DSCAM: variants seen among roughly 807,000 people sequenced by gnomAD.
DSCAM encodes the protein cell adhesion molecule DSCAM.
DSCAM carries 47 observed loss-of-function variants against 217.7 expected under a neutral mutation model. The observed-to-expected ratio is 0.22, with a 90% confidence interval of 0.17 to 0.28. The LOEUF (loss-of-function observed/expected upper bound fraction) is 0.28. DSCAM is among the 10% of genes least tolerant of loss of function. DSCAM has a pLI of 1.00. For missense variants in DSCAM, 2,080 were observed against 2,618.3 expected (o/e 0.79, Z 4.49); for synonymous variants, 1,056 against 1,015.3 (o/e 1.04, Z -0.76).
chr21:40,383,320 G>C (rs1017090171), intron 3 of DSCAM: 1 of 152,140 alleles, frequency 6.6e-6, no homozygotes, highest in Non-Finnish European at 1.5e-5. Context: ...GACACAGCAA[G>C]ACTCCCTCTA....
At chr21:40,680,689 C>T (rs2146421887) in intron 3 of DSCAM, among the ~76,000 whole-genome samples, 1 of 152,310 alleles carries the variant, frequency 6.6e-6, no homozygotes, top group African/African-American at 2.4e-5. Flanking sequence ...ATATTTTCAG[C>T]AGCATCATTG....
intron 21 of DSCAM, among the ~76,000 whole-genome samples, chr21:40,092,929 A>AT (rs1042089036): frequency 6.6e-6 from 1 of 151,894 alleles, no homozygotes; most frequent in African/African-American, 2.4e-5. Flanking sequence ...TAAAAAGCAC[A>AT]TTTTTCAGAG....
At chr21:40,029,773 G>A (rs1342971071) in intron 32 of DSCAM, among the ~76,000 whole-genome samples, 2 of 152,160 alleles carry the variant, frequency 1.3e-5, no homozygotes, top group Non-Finnish European at 2.9e-5. Context: ...GACACCAGCA[G>A]TCCAATCTTC....
chr21:40,250,996 T>C (rs2073296317), intron 11 of DSCAM, among the ~76,000 whole-genome samples: 1 of 152,234 alleles, frequency 6.6e-6, no homozygotes, highest in South Asian at 2.1e-4. Context: ...CCTGATATCC[T>C]GAAAAGGGAG....
chr21:40,370,678 T>C (rs2074887622), intron 3 of DSCAM, among the ~76,000 whole-genome samples: 3 of 152,044 alleles, frequency 2.0e-5, no homozygotes, highest in Non-Finnish European at 4.4e-5. Context: ...TGTGGTGCAG[T>C]GGTATCATCT....
chr21:40,432,955 G>C (rs2075548862), intron 3 of DSCAM, among the ~76,000 whole-genome samples: 1 of 152,044 alleles, frequency 6.6e-6, no homozygotes, highest in African/African-American at 2.4e-5. Flanking sequence ...TTCTTTCCCA[G>C]CTGTGAAAGC....
rs542067617 is a variant in DSCAM at position 40,215,957 on chromosome 21, A to T, written c.2357-26719T>A. Among the ~76,000 whole-genome samples the T allele has an allele frequency of 2.1e-4, 31 of 149,250 alleles. No homozygotes were observed. The South Asian group carries it at 6.4e-3, about 31-fold the overall frequency. On this transcript the variant is annotated intron_variant, in intron 11 of 32. Transcript: ENST00000400454. ...TTCTCCTTTAAAAAAAAAAAAAAAC[A>T]ACTTTGGTATTTGTGCTCAAGACTA...
chr21:40,559,962 T>G (rs918259892), intron 3 of DSCAM, among the ~76,000 whole-genome samples: 2 of 151,752 alleles, frequency 1.3e-5, no homozygotes, highest in Non-Finnish European at 2.9e-5. Context: ...CCCGGCTAAT[T>G]TTTTGTATTT....
At chr21:40,051,160 T>C (rs75833656) in intron 30 of DSCAM, among the ~76,000 whole-genome samples, 1 of 152,172 alleles carries the variant, frequency 6.6e-6, no homozygotes, top group Admixed American at 6.5e-5. Flanking sequence ...GCAAAGAAAT[T>C]GATTAGAGAT....
intron 32 of DSCAM, among the ~76,000 whole-genome samples, chr21:40,017,884 T>G (rs888334788): frequency 6.6e-6 from 1 of 152,210 alleles, no homozygotes; most frequent in Admixed American, 6.5e-5. Flanking sequence ...ATTACATAAT[T>G]TGGCATTCTT....
In DSCAM at chr21:40,347,679, C is replaced by T. The variant is rs962155128; in HGVS notation, c.1201G>A (p.Val401Ile). ...AACGAGGCCCACTGACCTTCAAGGA[C>T]CACCTGCACATAGTCTTGAGCGGAC... ...KLSAQDYVQVVLEDGTPKIIS... is the reference protein window; with the variant it reads ...KLSAQDYVQVILEDGTPKIIS... The change falls in exon 6 of 33, where the codon GTC becomes ATC. Residue 401 changes from valine (V) to isoleucine (I), a missense_variant. Transcript: ENST00000400454. The T allele has an allele frequency of 9.3e-6, 15 of 1,613,704 alleles. No homozygotes were observed. The highest frequency in any genetic ancestry group is 1.3e-5 in the African/African-American group (1 of 74,918).
intron 18 of DSCAM, among the ~76,000 whole-genome samples, chr21:40,136,912 TGCCTGTAATCCCA>T (rs1568959908): frequency 6.6e-6 from 1 of 152,148 alleles, no homozygotes; most frequent in African/African-American, 2.4e-5. Flanking sequence ...CAGTGGCTCA[TGCCTGTAATCCCA>T]GCACTTCGGG....
intron 19 of DSCAM, among the ~76,000 whole-genome samples, chr21:40,126,868 T>C (rs1236837792): frequency 1.3e-5 from 2 of 152,200 alleles, no homozygotes. Flanking sequence ...ACAACATAGA[T>C]AAGTTGAAGA....
intron 4 of DSCAM, among the ~76,000 whole-genome samples, chr21:40,360,336 G>A (rs550655174): frequency 3.3e-4 from 50 of 151,556 alleles, no homozygotes; most frequent in African/African-American, 1.2e-3. Flanking sequence ...GGGTTTCACC[G>A]TGTTAGCCAG....
chr21:40,376,791 A>G (rs1947835464), intron 3 of DSCAM, among the ~76,000 whole-genome samples: 1 of 151,220 alleles, frequency 6.6e-6, no homozygotes, highest in Admixed American at 6.6e-5. Context: ...TGAGCAATTG[A>G]GTTGCCAGAT....
intron 32 of DSCAM, among the ~76,000 whole-genome samples, chr21:40,028,774 A>C (rs2088453447): frequency 6.6e-6 from 1 of 152,118 alleles, no homozygotes. Flanking sequence ...CCTCAGATGG[A>C]AATGCCGAGA....
intron 4 of DSCAM, among the ~76,000 whole-genome samples, chr21:40,367,608 A>C (rs1422642887): frequency 3.9e-5 from 6 of 152,186 alleles, no homozygotes; most frequent in Non-Finnish European, 5.9e-5. Flanking sequence ...GCTTTATTAA[A>C]ATTTCAATGA....
Position 40,016,180 on chromosome 21 carries a change from C to T in DSCAM, c.5687-2794G>A, listed in dbSNP as rs1388718198. Among the ~76,000 whole-genome samples, 2 of 152,084 alleles carry T rather than the reference C, an allele frequency of 1.3e-5. No individual in the cohort carries two copies. The highest frequency in any genetic ancestry group is 4.8e-5 in the African/African-American group (2 of 41,402). On this transcript the variant is annotated intron_variant, in intron 32 of 32. Coordinates refer to ENST00000400454, the MANE Select transcript of DSCAM (RefSeq NM_001389.5). This position sits in a 1 kb window ranked among gnomAD's most constrained non-coding sequence, Gnocchi z 4.3. ...TATGATGATGGTCTGAGCTCAGGAGCAGCTGTGGGATGTGAGAGAGGGAAT... is the reference window on the plus strand; with the variant it reads ...TATGATGATGGTCTGAGCTCAGGAGTAGCTGTGGGATGTGAGAGAGGGAAT...
At chr21:40,482,173 T>C (rs1569141815) in intron 3 of DSCAM, among the ~76,000 whole-genome samples, 1 of 152,224 alleles carries the variant, frequency 6.6e-6, no homozygotes, top group African/African-American at 2.4e-5. Context: ...ATGAAGACCA[T>C]TTCCAGTCTT....
Sources: gnomAD v4.1 joint callset for allele counts (sites outside exome capture counted in the v4.1 genomes callset) on GRCh38, gnomAD v4.1.1 for gene constraint, Gnocchi (gnomAD v3.1) non-coding constraint, MANE v1.5 for transcripts, NCBI Gene and HGNC (gene_info 2026-07-23, HGNC 2026-07-21) for gene names.